RASA1: variants seen among roughly 807,000 people sequenced by gnomAD.
RASA1 encodes RAS p21 protein activator 1.
Under a neutral mutation model 132.2 loss-of-function variants are expected in RASA1, and 25 were observed. The observed-to-expected ratio is 0.19, with a 90% CI of 0.14 to 0.26. The LOEUF (loss-of-function observed/expected upper bound fraction) is 0.26. Ranked by LOEUF, RASA1 falls within the 10% of genes least tolerant of loss-of-function variation. The pLI is 1.00. For missense variants in RASA1, 964 were observed against 1,299.2 expected (o/e 0.74, Z 3.97); for synonymous variants, 477 against 449.9 (o/e 1.06, Z -0.76).
At chr5:87,380,039 G>A (rs1052916098) in intron 19 of RASA1, among the ~76,000 whole-genome samples, 189 bp downstream of exon 19, 5 of 152,202 alleles carry the variant, frequency 3.3e-5, no homozygotes, top group South Asian at 2.1e-4. Flanking sequence ...CATTATTTTC[G>A]TACAAGCCAA....
At chr5:87,380,459 C>A in intron 19 of RASA1, 50 bp from the exon 20 acceptor site, 1 of 1,463,688 alleles carries the variant, frequency 6.8e-7, no homozygotes, top group East Asian at 2.3e-5. Flanking sequence ...GCTAGGAGAT[C>A]AGTGTTTTCA....
chr5:87,295,292 A>G (rs1755070314), intron 1 of RASA1, among the ~76,000 whole-genome samples: 1 of 152,020 alleles, frequency 6.6e-6, no homozygotes, highest in African/African-American at 2.4e-5. Flanking sequence ...CTACTTTGAC[A>G]GTGTCTTTTA....
intron 1 of RASA1, among the ~76,000 whole-genome samples, chr5:87,315,496 G>A (rs2112317317): frequency 6.6e-6 from 1 of 152,296 alleles, no homozygotes; most frequent in South Asian, 2.1e-4. Context: ...TATGAATTTG[G>A]GGATTAAGTT....
intron 12 of RASA1, among the ~76,000 whole-genome samples, chr5:87,370,602 A>G (rs1254409515): frequency 6.6e-6 from 1 of 152,172 alleles, no homozygotes; most frequent in African/African-American, 2.4e-5. Flanking sequence ...TTTGAGTTAC[A>G]GTGAGTAAGA....
chr5:87,290,380 G>A (rs2112266505), intron 1 of RASA1, among the ~76,000 whole-genome samples: 1 of 152,150 alleles, frequency 6.6e-6, no homozygotes, highest in South Asian at 2.1e-4. Flanking sequence ...TAGCTTTATG[G>A]CAAAATTGAG....
rs762386089 is a variant in RASA1, at chr5:87,363,517, T to A, written c.1610+13T>A. ...GTCTCTTTGGCAGGTAAGAGACTGG[T>A]TTCCTATTTTTCTTTCGGAATTGTC... On this transcript the variant is annotated intron_variant, in intron 11 of 24. Transcript: ENST00000274376. The A allele has an allele frequency of 2.5e-6, 4 of 1,606,600 alleles. No individual in the cohort carries two copies. The Admixed American group carries it at 6.7e-5, about 27-fold the overall frequency.
At chr5:87,273,877 TA>T (rs1237313234) in intron 1 of RASA1, among the ~76,000 whole-genome samples, 1 of 152,126 alleles carries the variant, frequency 6.6e-6, no homozygotes, top group Non-Finnish European at 1.5e-5. Flanking sequence ...TTTGTATTTT[TA>T]GTAGAGACGG....
chr5:87,285,732 T>C (rs1396441892), intron 1 of RASA1, among the ~76,000 whole-genome samples: 1 of 150,764 alleles, frequency 6.6e-6, no homozygotes, highest in Non-Finnish European at 1.5e-5. Flanking sequence ...GATTCTTCTG[T>C]CTCAGCCTCC....
chr5:87,269,582 A>G (rs1214442423), intron 1 of RASA1, among the ~76,000 whole-genome samples: 2 of 152,216 alleles, frequency 1.3e-5, no homozygotes, highest in African/African-American at 4.8e-5. Flanking sequence ...AGGTGTGATT[A>G]AGAGCCTATA....
At chr5:87,269,180 C>T in intron 1 of RASA1, 190 bp downstream of exon 1, 2 of 1,606,118 alleles carry the variant, frequency 1.2e-6, no homozygotes, top group Admixed American at 3.4e-5. Flanking sequence ...CTGGCGTCTT[C>T]CTACATTTAT....
rs1420616811 is a variant in RASA1 at position 87,381,331 on chromosome 5, T to TA, written c.2690+737dup. Among the ~76,000 whole-genome samples the TA allele has an allele frequency of 4.6e-5, 7 of 152,342 alleles. No homozygotes were observed. The East Asian group carries it at 1.2e-3, about 25-fold the overall frequency. On this transcript the variant is annotated intron_variant, in intron 20 of 24. Transcript: ENST00000274376. ...AATCTGATATCCTTGAGTCTTATTGTAGGCTTTTGCTTTTGTTAAGCATAC... is the reference window on the plus strand; with the variant it reads ...AATCTGATATCCTTGAGTCTTATTGTAAGGCTTTTGCTTTTGTTAAGCATAC...
At chr5:87,281,030 A>G (rs938214841) in intron 1 of RASA1, among the ~76,000 whole-genome samples, 11 of 151,416 alleles carry the variant, frequency 7.3e-5, no homozygotes, top group African/African-American at 1.5e-4. Context: ...TCTTTTGGCT[A>G]TGGTTCCCAG....
intron 17 of RASA1, among the ~76,000 whole-genome samples, chr5:87,377,374 A>G (rs1379483421): frequency 2.6e-5 from 4 of 152,194 alleles, no homozygotes; most frequent in African/African-American, 9.6e-5. Context: ...TCAGTCGCCC[A>G]GGCTGCAGTG....
chr5:87,270,646 CTTTTTTTTTTTTTTTTT>C (rs70996415), intron 1 of RASA1, among the ~76,000 whole-genome samples: 24,351 of 71,762 alleles, frequency 0.34, 3,421 homozygotes, highest in East Asian at 0.52. Flanking sequence ...GGTGCCCGGC[CTTTTTTTTTTTTTTTTT>C]TTTTTTTTTT....
intron 11 of RASA1, among the ~76,000 whole-genome samples, chr5:87,364,063 GAAC>G (rs1281624494): frequency 6.6e-6 from 1 of 151,956 alleles, no homozygotes; most frequent in Non-Finnish European, 1.5e-5. Context: ...TTTTTCTCAA[GAAC>G]AATGGCCTTT....
chr5:87,344,955 T>C (rs761595524), intron 6 of RASA1, among the ~76,000 whole-genome samples: 1 of 152,152 alleles, frequency 6.6e-6, no homozygotes, highest in Non-Finnish European at 1.5e-5. Context: ...GGTACCCTTC[T>C]CTGTTACTCC....
chr5:87,372,549 A>G (rs1761024914), intron 13 of RASA1, among the ~76,000 whole-genome samples: 1 of 152,178 alleles, frequency 6.6e-6, no homozygotes, highest in Non-Finnish European at 1.5e-5. Flanking sequence ...ACTAATCCCA[A>G]TAAACTTTTT....
chr5:87,328,353 C>A (rs893708328), intron 1 of RASA1, among the ~76,000 whole-genome samples: 2 of 151,700 alleles, frequency 1.3e-5, no homozygotes, highest in East Asian at 3.9e-4. Flanking sequence ...AAAACGGTCA[C>A]CAGCAAATCT....
At chr5:87,274,092 T>C (rs1274653053) in intron 1 of RASA1, among the ~76,000 whole-genome samples, 1 of 152,198 alleles carries the variant, frequency 6.6e-6, no homozygotes, top group Non-Finnish European at 1.5e-5. Context: ...TGCTTGAGAC[T>C]AGATTGCCAG....
Sources: gnomAD v4.1 joint callset for allele counts (sites outside exome capture counted in the v4.1 genomes callset) on GRCh38, gnomAD v4.1.1 for gene constraint, MANE v1.5 for transcripts, NCBI Gene and HGNC (gene_info 2026-07-23, HGNC 2026-07-21) for gene names.